The following PHF20 variants were observed in gnomAD, a reference collection of about 807,000 sequenced individuals.
The protein encoded by PHF20 is PHD finger protein 20, also known as glioma-expressed antigen 2.
In PHF20, 23 loss-of-function variants were observed where a neutral mutation model predicts 113.5. The ratio of observed to expected loss-of-function variants is 0.20; its 90% CI spans 0.15 to 0.29. The LOEUF (loss-of-function observed/expected upper bound fraction) is 0.29. Among genes scored for constraint, PHF20 ranks in the 10% least tolerant of loss-of-function variants. The pLI is 1.00. For missense variants in PHF20, 943 were observed against 1,219.6 expected, an observed-to-expected ratio of 0.77 and a Z score of 3.38; for synonymous variants, 434 against 457.3, an observed-to-expected ratio of 0.95 and a Z score of 0.65.
At chr20:35,818,167 C>T (rs2042109656) in intron 2 of PHF20, among the ~76,000 whole-genome samples, 1 of 152,028 alleles carries the variant, frequency 6.6e-6, no homozygotes, top group Non-Finnish European at 1.5e-5. Context: ...CCTAGCTACT[C>T]AGGAGGCTGA....
At chr20:35,819,479 T>C (rs2042132034) in intron 2 of PHF20, among the ~76,000 whole-genome samples, 1 of 152,228 alleles carries the variant, frequency 6.6e-6, no homozygotes, top group African/African-American at 2.4e-5. Context: ...TTTCCACTAC[T>C]GTGTTTCTAT....
rs762839391 is a variant in PHF20, at chr20:35,938,687, C to T, written c.2301-10C>T. On this transcript the variant is annotated splice_polypyrimidine_tract_variant and intron_variant, in intron 15 of 17. Coordinates refer to ENST00000374012, the MANE Select transcript of PHF20 (RefSeq NM_016436.5). The stretch of plus-strand genomic sequence containing the variant: ...CTCCAAAGCCCATGTCCTCTTTGTC[C>T]TCTCAACAGAAGCCGGGAGCATCCT... The T allele has an allele frequency of 2.5e-6, 4 of 1,592,408 alleles. No homozygotes were observed. In the Admixed American group the frequency reaches 5.3e-5, roughly 21 times the overall value.
chr20:35,805,935 C>T (rs927653110), intron 2 of PHF20, among the ~76,000 whole-genome samples: 3 of 151,622 alleles, frequency 2.0e-5, no homozygotes, highest in Admixed American at 2.0e-4. Flanking sequence ...AATCTTGGCT[C>T]ACTGCAACCT....
intron 3 of PHF20, among the ~76,000 whole-genome samples, chr20:35,845,129 A>G (rs1479899479): frequency 6.6e-6 from 1 of 151,114 alleles, no homozygotes; most frequent in Non-Finnish European, 1.5e-5. Flanking sequence ...TTGAAATAAA[A>G]TCATACTGTA....
At chr20:35,886,513 T>C (rs2054736058) in intron 9 of PHF20, among the ~76,000 whole-genome samples, 1 of 152,210 alleles carries the variant, frequency 6.6e-6, no homozygotes, top group Non-Finnish European at 1.5e-5. Flanking sequence ...CATTATATTA[T>C]GTGAAATATA....
intron 15 of PHF20, among the ~76,000 whole-genome samples, chr20:35,933,181 G>A (rs558232577): frequency 4.7e-5 from 7 of 149,988 alleles, no homozygotes; most frequent in Admixed American, 1.3e-4. Flanking sequence ...TCACAGGTGC[G>A]ATCATCAAGC....
intron 9 of PHF20, among the ~76,000 whole-genome samples, chr20:35,887,008 G>A (rs961324057): frequency 1.3e-5 from 2 of 152,126 alleles, no homozygotes; most frequent in African/African-American, 4.8e-5. Flanking sequence ...CCAGCCAGAC[G>A]GAATATCACC....
intron 9 of PHF20, among the ~76,000 whole-genome samples, chr20:35,880,732 G>A (rs550509384): frequency 2.0e-5 from 3 of 152,106 alleles, no homozygotes; most frequent in East Asian, 3.9e-4. Context: ...AGGCTGACGC[G>A]GGCAGATCAC....
chr20:35,792,315 G>A (rs906385265), intron 1 of PHF20, among the ~76,000 whole-genome samples: 1 of 152,032 alleles, frequency 6.6e-6, no homozygotes, highest in Non-Finnish European at 1.5e-5. Context: ...AGCCTCTTGA[G>A]TAACTGGGAT....
intron 9 of PHF20, among the ~76,000 whole-genome samples, chr20:35,874,707 A>G (rs2054486270): frequency 1.3e-5 from 2 of 152,118 alleles, no homozygotes; most frequent in Non-Finnish European, 1.5e-5. Context: ...CTGTGTGTCT[A>G]TAGAATTGTC....
chr20:35,788,052 A>G lies in PHF20; in HGVS notation c.-32-13439A>G, dbSNP rs557425640. Among the ~76,000 whole-genome samples the G allele has an allele frequency of 2.0e-5, 3 of 152,256 alleles. No homozygotes were observed. The South Asian group carries it at 6.2e-4, about 32-fold the overall frequency. The stretch of plus-strand genomic sequence containing the variant: ...CTTGGCCTCCCAAAGTGCTGGGATT[A>G]CAGGTGTGAGCTACCTAGCGCAGCT... On this transcript the variant is annotated intron_variant, in intron 1 of 17. Transcript: ENST00000374012.
At chr20:35,870,831 A>G (rs974482066) in intron 7 of PHF20, 124 bp from the exon 8 acceptor site, 2 of 616,918 alleles carry the variant, frequency 3.2e-6, no homozygotes, top group Non-Finnish European at 5.4e-6. Context: ...TTTTATCACT[A>G]CTCTAACATT....
intron 3 of PHF20, among the ~76,000 whole-genome samples, chr20:35,846,626 A>G (rs1181601705): frequency 6.6e-6 from 1 of 152,102 alleles, no homozygotes; most frequent in African/African-American, 2.4e-5. Context: ...TGACTCCTAT[A>G]CTGGATGTGT....
intron 6 of PHF20, 49 bp from the exon 7 acceptor site, chr20:35,869,389 C>A: frequency 1.1e-6 from 1 of 898,798 alleles, no homozygotes; most frequent in Non-Finnish European, 1.8e-6. Flanking sequence ...AAATGACAGA[C>A]ACTAAGAAAT....
intron 9 of PHF20, among the ~76,000 whole-genome samples, chr20:35,884,912 C>T (rs1948461876): frequency 6.6e-6 from 1 of 152,126 alleles, no homozygotes; most frequent in Non-Finnish European, 1.5e-5. Context: ...CTCACTGCAA[C>T]CTCCACCTCC....
At chr20:35,852,216 G>A (rs751318373) in intron 4 of PHF20, among the ~76,000 whole-genome samples, 1 of 152,178 alleles carries the variant, frequency 6.6e-6, no homozygotes, top group Non-Finnish European at 1.5e-5. Flanking sequence ...ACAGTACCAG[G>A]CTGCCTCTTT....
chr20:35,892,500 C>T (rs962933057), intron 9 of PHF20, among the ~76,000 whole-genome samples: 5 of 152,084 alleles, frequency 3.3e-5, no homozygotes, highest in African/African-American at 1.2e-4. Flanking sequence ...TGAGCCACCA[C>T]GTCTGGCCTT....
chr20:35,801,796 G>A (rs2041786478), intron 2 of PHF20, 191 bp downstream of exon 2: 1 of 452,630 alleles, frequency 2.2e-6, no homozygotes. Context: ...GTAACCCCCT[G>A]TATATATTTG....
At chr20:35,885,467 CTTTTTTTTTTTTTTT>C (rs577878410) in intron 9 of PHF20, among the ~76,000 whole-genome samples, 291 of 35,766 alleles carry the variant, frequency 8.1e-3, no homozygotes, top group African/African-American at 0.029. Context: ...GGGGAATAAG[CTTTTTTTTTTTTTTT>C]TTTTTTTTTT....
Sources: allele counts gnomAD v4.1 joint callset (sites outside exome capture counted in the v4.1 genomes callset), GRCh38; gene constraint gnomAD v4.1.1; transcripts MANE v1.5; gene names NCBI Gene and HGNC (gene_info 2026-07-23, HGNC 2026-07-21).